Variants in IL1RAPL1 observed in about 807,000 individuals in gnomAD.
IL1RAPL1 encodes the protein interleukin-1 receptor accessory protein-like 1.
Under a neutral mutation model 48.4 loss-of-function variants are expected in IL1RAPL1, and 3 were observed. The ratio of observed to expected loss-of-function variants is 0.06; its 90% CI spans 0.03 to 0.16. The LOEUF (loss-of-function observed/expected upper bound fraction) is 0.16, where lower values mean the gene tolerates loss of function less well. Ranked by LOEUF, IL1RAPL1 falls within the 10% of genes least tolerant of loss-of-function variation. The pLI is 1.00. For synonymous variants in IL1RAPL1, 185 were observed against 187.7 expected (o/e 0.99, Z 0.12); for missense variants, 349 against 530.6 (o/e 0.66, Z 3.36).
chrX:29,553,253 G>A (rs1414935240), intron 5 of IL1RAPL1, among the ~76,000 whole-genome samples: 3 of 111,732 alleles, frequency 2.7e-5, no homozygotes, highest in Non-Finnish European at 5.6e-5. Flanking sequence ...ATATGGCTAG[G>A]AGTTGGGCTG....
intron 2 of IL1RAPL1, among the ~76,000 whole-genome samples, chrX:29,140,024 A>C (rs1362484271): frequency 9.0e-6 from 1 of 111,609 alleles, no homozygotes; most frequent in Non-Finnish European, 1.9e-5. Flanking sequence ...TGGAGCCAGC[A>C]TCTGCTCCTG....
chrX:29,152,487 A>G lies in IL1RAPL1; in HGVS notation c.83-130451A>G, dbSNP rs1929486675. ...CCACATAGTCAAATGTTACCTATTT[A>G]TGAAGACTCACACTGTGGGCATTTG... On this transcript the variant is annotated intron_variant, in intron 2 of 10. Transcript: ENST00000378993. Among the ~76,000 whole-genome samples the G allele has an allele frequency of 2.7e-5, 3 of 111,934 alleles. No individual in the cohort carries two copies. In the South Asian group the frequency reaches 1.1e-3, roughly 42 times the overall value.
At chrX:29,331,059 C>T (rs1318518389) in intron 3 of IL1RAPL1, among the ~76,000 whole-genome samples, 1 of 110,755 alleles carries the variant, frequency 9.0e-6, no homozygotes, top group Non-Finnish European at 1.9e-5. Flanking sequence ...CCCAGCTACT[C>T]GGGAGGTTGA....
At chrX:29,906,119 G>A (rs1390975877) in intron 6 of IL1RAPL1, among the ~76,000 whole-genome samples, 4 of 108,764 alleles carry the variant, frequency 3.7e-5, no homozygotes, top group East Asian at 2.9e-4. Context: ...GGTGGATCAC[G>A]AGGTCAGGAG....
At chrX:29,924,370 T>C (rs1302406810) in intron 8 of IL1RAPL1, among the ~76,000 whole-genome samples, 19 of 112,306 alleles carry the variant, frequency 1.7e-4, no homozygotes, top group Admixed American at 1.2e-3. Flanking sequence ...ATAATAGATA[T>C]ACTGTGGTTT....
At chrX:29,183,681 C>CTATTT (rs981783636) in intron 2 of IL1RAPL1, among the ~76,000 whole-genome samples, 8 of 111,983 alleles carry the variant, frequency 7.1e-5, no homozygotes, top group African/African-American at 2.3e-4. Context: ...CTCCCATTCC[C>CTATTT]TATTTTATTT....
At chrX:28,918,211 A>G (rs922127942) in intron 2 of IL1RAPL1, among the ~76,000 whole-genome samples, 3 of 112,122 alleles carry the variant, frequency 2.7e-5, no homozygotes, top group Non-Finnish European at 5.6e-5. Context: ...ATCTTATTAT[A>G]TTAAACATCT....
At chrX:29,145,135 A>G (rs759998213) in intron 2 of IL1RAPL1, among the ~76,000 whole-genome samples, 1 of 112,104 alleles carries the variant, frequency 8.9e-6, no homozygotes, top group South Asian at 3.7e-4. Flanking sequence ...GAGCCGGATA[A>G]TTGTGCTTGT....
At chrX:29,596,876 A>G (rs1923566158) in intron 5 of IL1RAPL1, among the ~76,000 whole-genome samples, 1 of 111,610 alleles carries the variant, frequency 9.0e-6, no homozygotes, top group Non-Finnish European at 1.9e-5. Flanking sequence ...TTTGCTATAG[A>G]TTGCTTTTAT....
intron 6 of IL1RAPL1, among the ~76,000 whole-genome samples, chrX:29,898,370 A>G (rs1213458415): frequency 8.9e-6 from 1 of 112,162 alleles, no homozygotes; most frequent in Non-Finnish European, 1.9e-5. Flanking sequence ...CATTAATCCA[A>G]GATGGTGTTT....
chrX:28,731,029 T>A (rs891149770), intron 1 of IL1RAPL1, among the ~76,000 whole-genome samples: 1 of 111,273 alleles, frequency 9.0e-6, no homozygotes, highest in Non-Finnish European at 1.9e-5. Context: ...CCTAGAAAGA[T>A]TAATTGGTGT....
intron 2 of IL1RAPL1, among the ~76,000 whole-genome samples, chrX:29,002,433 T>C (rs1220527187): frequency 1.8e-5 from 2 of 110,656 alleles, no homozygotes; most frequent in African/African-American, 6.6e-5. Context: ...TTCTAAGTAC[T>C]GGTAATATTT....
At chrX:28,667,199 T>A (rs759631467) in intron 1 of IL1RAPL1, among the ~76,000 whole-genome samples, 1 of 112,040 alleles carries the variant, frequency 8.9e-6, no homozygotes, top group East Asian at 2.8e-4. Flanking sequence ...TTGGGAAATA[T>A]ACAGTGCCTA....
intron 6 of IL1RAPL1, among the ~76,000 whole-genome samples, chrX:29,831,920 T>C (rs1251543624): frequency 8.9e-6 from 1 of 111,991 alleles, no homozygotes; most frequent in Non-Finnish European, 1.9e-5. Flanking sequence ...TATGTATTTA[T>C]GATTGTAGTT....
At chrX:29,605,543 T>C (rs2147064646) in intron 5 of IL1RAPL1, among the ~76,000 whole-genome samples, 1 of 110,998 alleles carries the variant, frequency 9.0e-6, no homozygotes, top group African/African-American at 3.3e-5. Context: ...GGATATCAGA[T>C]ATTAGAGGAT....
chrX:29,276,308 A>G (rs778594264), intron 2 of IL1RAPL1, among the ~76,000 whole-genome samples: 6 of 112,270 alleles, frequency 5.3e-5, no homozygotes, highest in Non-Finnish European at 9.4e-5. Context: ...TACATGAGCT[A>G]AATAAACAAT....
intron 2 of IL1RAPL1, among the ~76,000 whole-genome samples, chrX:29,028,368 A>G (rs1926538526): frequency 9.5e-6 from 1 of 105,469 alleles, no homozygotes; most frequent in South Asian, 4.5e-4. Context: ...ACTCACAGCA[A>G]TCTCTGCCTC....
chrX:28,980,735 G>A (rs1366271574), intron 2 of IL1RAPL1, among the ~76,000 whole-genome samples: 1 of 109,619 alleles, frequency 9.1e-6, no homozygotes, highest in African/African-American at 3.3e-5. Flanking sequence ...CTTATTTCTA[G>A]CCTACTTCCA....
At chrX:29,008,944 A>C (rs2147393621) in intron 2 of IL1RAPL1, among the ~76,000 whole-genome samples, 1 of 111,255 alleles carries the variant, frequency 9.0e-6, no homozygotes, top group Admixed American at 9.5e-5. Context: ...TTCCTGCATT[A>C]GTTTGCTTAG....
Sources: gnomAD v4.1 joint callset for allele counts (sites outside exome capture counted in the v4.1 genomes callset) on GRCh38, gnomAD v4.1.1 for gene constraint, MANE v1.5 for transcripts, NCBI Gene and HGNC (gene_info 2026-07-23, HGNC 2026-07-21) for gene names.